The following PKIB variants were observed in gnomAD, a reference collection of about 807,000 sequenced individuals.
PKIB encodes the protein cAMP-dependent protein kinase inhibitor beta.
In PKIB, 2 loss-of-function variants were observed where a neutral mutation model predicts 4.5. The ratio of observed to expected loss-of-function variants is 0.44; its 90% CI spans 0.18 to 1.39. The LOEUF is 1.39. PKIB is among the 40% of genes most tolerant of loss of function. The pLI, the probability that PKIB is intolerant of heterozygous loss-of-function variation, is 0.27. For missense variants in PKIB, 94 were observed against 92.6 expected, an observed-to-expected ratio of 1.02 and a Z score of -0.06; for synonymous variants, 38 against 36.0, an observed-to-expected ratio of 1.06 and a Z score of -0.20.
intron 3 of PKIB, among the ~76,000 whole-genome samples, chr6:122,702,826 T>C (rs1311963635): frequency 6.6e-6 from 1 of 152,180 alleles, no homozygotes; most frequent in Non-Finnish European, 1.5e-5. Context: ...TGTATAACTT[T>C]TTATAATAAT....
intron 2 of PKIB, among the ~76,000 whole-genome samples, chr6:122,662,597 G>A (rs1325639364): frequency 2.6e-5 from 4 of 151,966 alleles, no homozygotes; most frequent in South Asian, 2.1e-4. Flanking sequence ...TGGGATTACA[G>A]GCATCAGCCA....
chr6:122,598,832 A>T (rs531128877), intron 3 of PKIB, among the ~76,000 whole-genome samples: 1 of 152,174 alleles, frequency 6.6e-6, no homozygotes, highest in Non-Finnish European at 1.5e-5. Context: ...GAGCTGCAAC[A>T]TTAAATGCAA....
intron 2 of PKIB, among the ~76,000 whole-genome samples, chr6:122,525,367 T>C (rs1777066458): frequency 6.6e-6 from 1 of 152,206 alleles, no homozygotes; most frequent in Admixed American, 6.5e-5. Flanking sequence ...TTATGGCCCA[T>C]TAAAGCTTCA....
chr6:122,684,979 T>C (rs1236089707), intron 3 of PKIB, among the ~76,000 whole-genome samples: 2 of 152,192 alleles, frequency 1.3e-5, no homozygotes, highest in East Asian at 3.8e-4. Context: ...ATTAGTCTAT[T>C]GAAACATTTC....
chr6:122,535,215 A>G (rs1777369460), intron 2 of PKIB, among the ~76,000 whole-genome samples: 1 of 152,102 alleles, frequency 6.6e-6, no homozygotes, highest in Admixed American at 6.6e-5. Flanking sequence ...GAGACTTTAC[A>G]TTTTGGTAGG....
chr6:122,518,346 C>A (rs1776827405), intron 2 of PKIB, among the ~76,000 whole-genome samples: 1 of 152,080 alleles, frequency 6.6e-6, no homozygotes, highest in Non-Finnish European at 1.5e-5. Context: ...AGAAAATAAG[C>A]AGATACTCTA....
intron 1 of PKIB, among the ~76,000 whole-genome samples, chr6:122,630,226 A>C (rs1349359607): frequency 6.6e-6 from 1 of 152,178 alleles, no homozygotes; most frequent in African/African-American, 2.4e-5. Context: ...ATATTTGTAC[A>C]CTCATGTTCA....
At chr6:122,547,335 T>C (rs1285312424) in intron 2 of PKIB, among the ~76,000 whole-genome samples, 3 of 151,972 alleles carry the variant, frequency 2.0e-5, no homozygotes, top group African/African-American at 7.3e-5. Flanking sequence ...AGCTTTCTTT[T>C]TCTTCTATTT....
chr6:122,575,546 G>T (rs982986800), intron 2 of PKIB, among the ~76,000 whole-genome samples: 1 of 151,928 alleles, frequency 6.6e-6, no homozygotes, highest in African/African-American at 2.4e-5. Flanking sequence ...AGTGGATAAA[G>T]AAAATGTGAT....
chr6:122,585,430 G>A (rs188204853), intron 2 of PKIB: 16 of 152,224 alleles, frequency 1.1e-4, no homozygotes, highest in Admixed American at 7.2e-4. Flanking sequence ...TGACTTAGTT[G>A]TTGGGCTAAA....
chr6:122,510,361 T>A (rs1019686360), intron 2 of PKIB, among the ~76,000 whole-genome samples: 4 of 152,234 alleles, frequency 2.6e-5, no homozygotes, highest in Non-Finnish European at 5.9e-5. Context: ...CTACAAAAGT[T>A]TGACAAATTG....
chr6:122,509,267 A>G (rs1776515278), intron 2 of PKIB, among the ~76,000 whole-genome samples: 1 of 152,178 alleles, frequency 6.6e-6, no homozygotes, highest in South Asian at 2.1e-4. Flanking sequence ...TTTATTTAGG[A>G]TAATGATTAT....
At chr6:122,578,386 A>C (rs892345002) in intron 2 of PKIB, among the ~76,000 whole-genome samples, 7 of 152,066 alleles carry the variant, frequency 4.6e-5, no homozygotes, top group African/African-American at 1.7e-4. Context: ...GGTATCTTTC[A>C]AGCATTTTGA....
chr6:122,710,464 G>A (rs1779229414), intron 3 of PKIB, among the ~76,000 whole-genome samples: 1 of 152,136 alleles, frequency 6.6e-6, no homozygotes, highest in East Asian at 1.9e-4. Flanking sequence ...TACTTGGAGT[G>A]TATTTGTGCC....
chr6:122,539,234 G>A (rs374893601), intron 2 of PKIB, among the ~76,000 whole-genome samples: 14,224 of 152,040 alleles, frequency 0.094, 831 homozygotes, highest in South Asian at 0.15. Flanking sequence ...TAGGAGGGGT[G>A]AGAGAGGGCA....
At chr6:122,632,229 G>A (rs897963693) in intron 1 of PKIB, among the ~76,000 whole-genome samples, 1 of 152,184 alleles carries the variant, frequency 6.6e-6, no homozygotes, top group Non-Finnish European at 1.5e-5. Context: ...GAAGACAGCA[G>A]ACAACGTTGA....
chr6:122,552,063 C>G (rs1050073907), intron 2 of PKIB, among the ~76,000 whole-genome samples: 7 of 151,916 alleles, frequency 4.6e-5, no homozygotes, highest in African/African-American at 1.7e-4. Flanking sequence ...CTAAATTTAC[C>G]CTTTTTACTT....
chr6:122,649,677 C>T (rs1443765251), intron 2 of PKIB, among the ~76,000 whole-genome samples: 2 of 152,166 alleles, frequency 1.3e-5, no homozygotes, highest in African/African-American at 4.8e-5. Context: ...CAGACAACAA[C>T]CATTTAATGA....
intron 2 of PKIB, among the ~76,000 whole-genome samples, chr6:122,513,394 G>T (rs197691): frequency 0.8 from 122,376 of 152,114 alleles, 49,453 homozygotes; most frequent in South Asian, 0.92. Flanking sequence ...TGATGCTTCT[G>T]CCAACTGGAT....
Sources: gnomAD v4.1 joint callset for allele counts (sites outside exome capture counted in the v4.1 genomes callset) on GRCh38, gnomAD v4.1.1 for gene constraint, MANE v1.5 for transcripts, NCBI Gene and HGNC (gene_info 2026-07-23, HGNC 2026-07-21) for gene names.